The following RUSF1 variants were observed in gnomAD, a reference collection of about 807,000 sequenced individuals.
RUSF1 encodes RUS family member 1, also known as RUS1 family protein C16orf58.
In RUSF1, 58 loss-of-function variants were observed where a neutral mutation model predicts 63.0. The ratio of observed to expected loss-of-function variants is 0.92; its 90% CI spans 0.75 to 1.15. The LOEUF (loss-of-function observed/expected upper bound fraction) is 1.15, where lower values mean the gene tolerates loss of function less well. Among genes scored for constraint, RUSF1 ranks in the 50% most tolerant of loss-of-function variants. The probability of loss-of-function intolerance (pLI) is 0.00; values close to 1 mark genes in which losing one functional copy is unlikely to be tolerated. For missense variants in RUSF1, 652 were observed against 611.0 expected (o/e 1.07, Z -0.71); for synonymous variants, 274 against 255.8 (o/e 1.07, Z -0.68).
Position 31,493,586 on chromosome 16 carries a change from AC to A in RUSF1, c.958+16del. The A allele has an allele frequency of 6.2e-7, 1 of 1,614,140 alleles. No homozygotes were observed. The highest frequency in any genetic ancestry group is 8.5e-7 in the Non-Finnish European group (1 of 1,180,024). Reference sequence around the variant, plus strand: ...GAGAGGTTGAGACACAGGACCCGAGACCAGGGGCAGGGTCACCTGTCCACAG... The same window carrying A: ...GAGAGGTTGAGACACAGGACCCGAGACAGGGGCAGGGTCACCTGTCCACAG... On this transcript the variant is annotated intron_variant, in intron 8 of 12. Coordinates refer to ENST00000327237, the MANE Select transcript of RUSF1 (RefSeq NM_022744.4).
chr16:31,497,276 C>A (rs56987314), intron 5 of RUSF1, among the ~76,000 whole-genome samples: 1 of 152,010 alleles, frequency 6.6e-6, no homozygotes. Flanking sequence ...TGGCGGGAGG[C>A]TCAGGCTGGT....
Position 31,492,356 on chromosome 16 carries a change from G to C in RUSF1, c.1088-16C>G. 1 of 1,528,668 alleles carries C rather than the reference G, an allele frequency of 6.5e-7. No individual in the cohort carries two copies. Among genetic ancestry groups the C allele is most frequent in the East Asian group, 2.3e-5 (1 of 43,886 alleles). The allele number at this position is 1,528,668 out of a possible 1,614,324, so 94.7% of individuals were successfully genotyped here. A position where few individuals can be genotyped will look rare whatever the true frequency, so the allele number is the denominator to read the frequency against. ...TGTACCTGGTCTGGAGGGACCCAGA[G>C]ACAGACTGGTATCAGGGAAGGGCCA... is the stretch of plus-strand genomic sequence containing the variant. On this transcript the variant is annotated splice_polypyrimidine_tract_variant and intron_variant, in intron 10 of 12. Coordinates refer to ENST00000327237, the MANE Select transcript of RUSF1 (RefSeq NM_022744.4).
rs115232309 is a variant in RUSF1, at chr16:31,499,575, C to T, written c.462-50G>A. The T allele has an allele frequency of 1.2e-3, 1,783 of 1,521,998 alleles. 21 individuals are homozygous for T. In the African/African-American group the frequency reaches 0.022, roughly 19 times the overall value. The allele number at this position is 1,521,998 out of a possible 1,614,324, so 94.3% of individuals were successfully genotyped here. On this transcript the variant is annotated intron_variant, in intron 3 of 12. Transcript: ENST00000327237. ...AATTTGGACTTAAGGAGAAACACAT[C>T]CTATGGGCAGTGTGGGGAGTCTTGG...
intron 6 of RUSF1, among the ~76,000 whole-genome samples, chr16:31,495,290 C>G (rs1411358513): frequency 1.3e-5 from 2 of 152,160 alleles, no homozygotes; most frequent in Non-Finnish European, 2.9e-5. Flanking sequence ...GAGCTCTTCT[C>G]AACCAGCCCT....
chr16:31,507,438 G>A (rs1426974992), intron 2 of RUSF1, among the ~76,000 whole-genome samples: 1 of 152,106 alleles, frequency 6.6e-6, no homozygotes, highest in African/African-American at 2.4e-5. Context: ...TGGGCAGCTG[G>A]CAGTTTTATT....
At chr16:31,499,596 C>A in intron 3 of RUSF1, 71 bp from the exon 4 acceptor site, 1 of 1,431,614 alleles carries the variant, frequency 7.0e-7, no homozygotes, top group Non-Finnish European at 9.5e-7. Context: ...TGTGGGGAGT[C>A]TTGGACCACA....
Position 31,492,101 on chromosome 16 carries a change from G to A in RUSF1, c.1232-15C>T, listed in dbSNP as rs2082573186. The A allele has an allele frequency of 1.9e-6, 3 of 1,614,126 alleles. No individual in the cohort carries two copies. The highest frequency in any genetic ancestry group is 2.5e-6 in the Non-Finnish European group (3 of 1,179,996). On this transcript the variant is annotated splice_polypyrimidine_tract_variant and intron_variant, in intron 11 of 12. Transcript: ENST00000327237. ...TTTCTTAGGACCTGGGTACGGGGGTGCAGAACCAGAAGCTCTGTGTCCTCC... is the reference window on the plus strand; with the variant it reads ...TTTCTTAGGACCTGGGTACGGGGGTACAGAACCAGAAGCTCTGTGTCCTCC...
intron 9 of RUSF1, 38 bp downstream of exon 9, chr16:31,493,429 T>C (rs776403424): frequency 6.4e-7 from 1 of 1,561,728 alleles, no homozygotes; most frequent in South Asian, 1.2e-5. Flanking sequence ...GGAGTGTGGG[T>C]GGCGGTGGTG....
rs745592398 is a variant in RUSF1 at position 31,490,418 on chromosome 16, G to GGCAGCA, written c.*411_*416dup. 8.1e-6 allele frequency: 13 copies of GGCAGCA among 1,613,636 alleles called. No homozygotes were observed. The South Asian group carries it at 1.4e-4, about 18-fold the overall frequency. On this transcript the variant is annotated 3_prime_UTR_variant, in exon 13 of 13. Coordinates refer to ENST00000327237, the MANE Select transcript of RUSF1 (RefSeq NM_022744.4). ...CGCCCCTTACCCAGGAGGAGGCAGC[G>GGCAGCA]GCAGCAGCCAGGCGGCTGGAGGACA...
intron 10 of RUSF1, 116 bp downstream of exon 10, chr16:31,492,862 G>T: frequency 9.9e-7 from 1 of 1,009,380 alleles, no homozygotes. Flanking sequence ...ACGGTCTAGA[G>T]CAACCCCCAG....
At chr16:31,501,575 C>T (rs2082633174) in intron 2 of RUSF1, among the ~76,000 whole-genome samples, 1 of 143,604 alleles carries the variant, frequency 7.0e-6, no homozygotes, top group South Asian at 2.2e-4. Flanking sequence ...GCCTGGATGA[C>T]AGAGCAAGAC....
At position 31,490,937 on chromosome 16, in the gene RUSF1, G is replaced by A. The variant is rs2082562646; in HGVS notation, c.1310-5C>T. ...TCCAGCCGGCATCCTGCAGTCCTGG[G>A]GAGAGATCATGGGGTGCTGCCGGGA... is the stretch of plus-strand genomic sequence containing the variant. On this transcript the variant is annotated splice_region_variant and splice_polypyrimidine_tract_variant and intron_variant, in intron 12 of 12. Transcript: ENST00000327237. 3 of 1,613,922 alleles carry A rather than the reference G, an allele frequency of 1.9e-6. No individual in the cohort carries two copies. The highest frequency in any genetic ancestry group is 2.5e-6 in the Non-Finnish European group (3 of 1,179,928).
Position 31,490,378 on chromosome 16 carries a change from G to C in RUSF1, c.*457C>G, listed in dbSNP as rs777035063. 3.7e-6 allele frequency: 6 copies of C among 1,613,286 alleles called. No individual in the cohort carries two copies. Among genetic ancestry groups the C allele is most frequent in the Non-Finnish European group, 5.1e-6 (6 of 1,179,744 alleles). Reference sequence around the variant, plus strand: ...TGGTTTTGTGGAATGAGCAGAGGTGGGGTGGGCAGTCCTCCGCCCCTTACC... The same window carrying C: ...TGGTTTTGTGGAATGAGCAGAGGTGCGGTGGGCAGTCCTCCGCCCCTTACC... On this transcript the variant is annotated 3_prime_UTR_variant, in exon 13 of 13. Transcript: ENST00000327237.
Position 31,490,155 on chromosome 16 carries a change from C to T in RUSF1, c.*680G>A. ...GCATAGCAAGGAGGAACGGGAGGACCTGGATGCTGATGAGCAGCAAGGCTC... is the reference window on the plus strand; with the variant it reads ...GCATAGCAAGGAGGAACGGGAGGACTTGGATGCTGATGAGCAGCAAGGCTC... On this transcript the variant is annotated 3_prime_UTR_variant, in exon 13 of 13. Coordinates refer to ENST00000327237, the MANE Select transcript of RUSF1 (RefSeq NM_022744.4). 6.2e-7 allele frequency: 1 copy of T among 1,614,174 alleles called. No homozygotes were observed. The highest frequency in any genetic ancestry group is 8.5e-7 in the Non-Finnish European group (1 of 1,180,044).
chr16:31,492,352 C>A lies in RUSF1; in HGVS notation c.1088-12G>T. On this transcript the variant is annotated splice_polypyrimidine_tract_variant and intron_variant, in intron 10 of 12. Transcript: ENST00000327237. ...TACCTGTACCTGGTCTGGAGGGACC[C>A]AGAGACAGACTGGTATCAGGGAAGG... 1 of 1,530,948 alleles carries A rather than the reference C, an allele frequency of 6.5e-7. No individual in the cohort carries two copies. Among genetic ancestry groups the A allele is most frequent in the Non-Finnish European group, 8.8e-7 (1 of 1,140,098 alleles). 94.8% of individuals were successfully genotyped at this position (1,530,948 alleles called of 1,614,324 possible).
intron 2 of RUSF1, among the ~76,000 whole-genome samples, chr16:31,506,491 C>T (rs916245659): frequency 1.3e-5 from 2 of 152,208 alleles, no homozygotes; most frequent in African/African-American, 4.8e-5. Context: ...TCCAAAAATA[C>T]GGCCAACAAG....
In RUSF1 at chr16:31,508,162, G is replaced by T; in HGVS notation, c.212C>A (p.Ser71Tyr). The T allele has an allele frequency of 6.3e-7, 1 of 1,583,288 alleles. No individual in the cohort carries two copies. Among genetic ancestry groups the T allele is most frequent in the Non-Finnish European group, 8.6e-7 (1 of 1,165,768 alleles). The change falls in exon 1 of 13, where the codon TCC becomes TAC. Residue 71 changes from serine to tyrosine, a missense_variant. Coordinates refer to ENST00000327237, the MANE Select transcript of RUSF1 (RefSeq NM_022744.4). ...GASGAPSPPL[S>Y]GLQAVFLPQG... ...AGGCAGGAACACGGCCTGGAGCCCG[G>T]AGAGGGGCGGTGAGGGGGCCCCGGA... is the stretch of plus-strand genomic sequence containing the variant.
In RUSF1 at chr16:31,489,820, G is replaced by C; in HGVS notation, c.*1015C>G. Reference sequence around the variant, plus strand: ...AGAACACTGTGAGCAGGACTGCCAGGCCAGTGTCACAAGCGCTACCATCTG... The same window carrying C: ...AGAACACTGTGAGCAGGACTGCCAGCCCAGTGTCACAAGCGCTACCATCTG... On this transcript the variant is annotated 3_prime_UTR_variant, in exon 13 of 13. Transcript: ENST00000327237. 1 of 476,344 alleles carries C rather than the reference G, an allele frequency of 2.1e-6. No homozygotes were observed. Among genetic ancestry groups the C allele is most frequent in the South Asian group, 2.0e-5 (1 of 49,626 alleles). 29.5% of individuals were successfully genotyped at this position (476,344 alleles called of 1,614,324 possible).
In RUSF1 at chr16:31,489,578, G is replaced by A. The variant is rs750949743; in HGVS notation, c.*1257C>T. 1.7e-6 allele frequency: 1 copy of A among 594,262 alleles called. No individual in the cohort carries two copies. Among genetic ancestry groups the A allele is most frequent in the Non-Finnish European group, 3.0e-6 (1 of 332,246 alleles). 36.8% of individuals were successfully genotyped at this position (594,262 alleles called of 1,614,324 possible). On this transcript the variant is annotated 3_prime_UTR_variant, in exon 13 of 13. Transcript: ENST00000327237. ...TAAAGCCTCCCAAAGCCAATCCTTG[G>A]CATGGCCTTTGGGACTCAAAACACA...
Sources: allele counts gnomAD v4.1 joint callset (sites outside exome capture counted in the v4.1 genomes callset), GRCh38; gene constraint gnomAD v4.1.1; transcripts MANE v1.5; gene names NCBI Gene and HGNC (gene_info 2026-07-23, HGNC 2026-07-21).